Variants in TASP1 observed in about 807,000 individuals in gnomAD.
TASP1 encodes the protein taspase 1, also known as threonine aspartase 1.
TASP1 carries 16 observed loss-of-function variants against 56.6 expected under a neutral mutation model. That is an observed-to-expected ratio of 0.28 (90% CI 0.19 to 0.43). The LOEUF (loss-of-function observed/expected upper bound fraction) is 0.43. Ranked by LOEUF, TASP1 falls within the 20% of genes least tolerant of loss-of-function variation. The probability of loss-of-function intolerance (pLI) is 1.00; values close to 1 mark genes in which losing one functional copy is unlikely to be tolerated. For synonymous variants in TASP1, 179 were observed against 184.2 expected, an observed-to-expected ratio of 0.97 and a Z score of 0.23; for missense variants, 393 against 511.6, an observed-to-expected ratio of 0.77 and a Z score of 2.24.
the TASP1 span, among the ~76,000 whole-genome samples, chr20:13,358,866 G>GC: frequency 7.1e-6 from 1 of 140,348 alleles, no homozygotes; most frequent in Non-Finnish European, 1.6e-5. Flanking sequence ...TGGGGAAGGG[G>GC]CAAGTACCCC....
the TASP1 span, among the ~76,000 whole-genome samples, chr20:13,347,318 G>T: frequency 6.6e-6 from 1 of 152,260 alleles, no homozygotes; most frequent in East Asian, 1.9e-4. Flanking sequence ...AGACAGAATG[G>T]CCTATTGGTC....
At chr20:13,134,642 A>C in the TASP1 span, among the ~76,000 whole-genome samples, 4 of 152,218 alleles carry the variant, frequency 2.6e-5, no homozygotes, top group African/African-American at 7.2e-5. Context: ...ATTCTGGTGC[A>C]GGCTCAAATT....
intron 7 of TASP1, among the ~76,000 whole-genome samples, chr20:13,566,027 T>C (rs2046516149): frequency 6.6e-6 from 1 of 152,184 alleles, no homozygotes; most frequent in Non-Finnish European, 1.5e-5. Context: ...AAAGAAATTC[T>C]GACACATGCT....
At chr20:13,470,205 C>G (rs2044435796) in intron 11 of TASP1, among the ~76,000 whole-genome samples, 1 of 152,042 alleles carries the variant, frequency 6.6e-6, no homozygotes, top group Non-Finnish European at 1.5e-5. Context: ...ATACAAGCTA[C>G]AAGCTTTCTG....
the TASP1 span, among the ~76,000 whole-genome samples, chr20:13,220,818 C>G: frequency 6.6e-6 from 1 of 152,232 alleles, no homozygotes; most frequent in Non-Finnish European, 1.5e-5. Flanking sequence ...GCGCCCCCTC[C>G]GTTTTCCATC....
intron 10 of TASP1, among the ~76,000 whole-genome samples, chr20:13,527,622 A>G (rs899298404): frequency 6.6e-6 from 1 of 152,088 alleles, no homozygotes; most frequent in African/African-American, 2.4e-5. Flanking sequence ...GCACGCACGC[A>G]CACACACATA....
the TASP1 span, among the ~76,000 whole-genome samples, chr20:13,121,065 C>T: frequency 6.6e-6 from 1 of 152,188 alleles, no homozygotes; most frequent in Non-Finnish European, 1.5e-5. Context: ...TATTTTTATT[C>T]TTTCACATTT....
chr20:13,410,101 T>C lies in TASP1; in HGVS notation c.1170+7347A>G, dbSNP rs12481494. Reference sequence around the variant, plus strand: ...AGTTGTCTTTCTGTGCCTGCCTTACTTCACTTAACATAATGACCTCCACTT... The same window carrying C: ...AGTTGTCTTTCTGTGCCTGCCTTACCTCACTTAACATAATGACCTCCACTT... On this transcript the variant is annotated intron_variant, in intron 13 of 13. Transcript: ENST00000337743. 3.2e-3 allele frequency among the ~76,000 whole-genome samples: 484 copies of C among 152,290 alleles called. 1 individual carries two copies. The highest frequency in any genetic ancestry group is 0.01 in the East Asian group (53 of 5,182).
At chr20:13,580,009 C>T (rs560106363) in intron 6 of TASP1, among the ~76,000 whole-genome samples, 1 of 152,322 alleles carries the variant, frequency 6.6e-6, no homozygotes, top group Admixed American at 6.5e-5. Flanking sequence ...GCATGCTGAG[C>T]ATAGACTAAG....
chr20:13,493,009 C>T (rs538905184), intron 10 of TASP1, among the ~76,000 whole-genome samples: 25 of 152,114 alleles, frequency 1.6e-4, no homozygotes, highest in African/African-American at 5.8e-4. Context: ...TCACTACTGC[C>T]AATTTTATTG....
Position 13,628,748 on chromosome 20 carries a change from G to A in TASP1, c.145+1186C>T, listed in dbSNP as rs151316945. Among the ~76,000 whole-genome samples, 321 of 152,272 alleles carry A rather than the reference G, an allele frequency of 2.1e-3. 1 individual carries two copies. Among genetic ancestry groups the A allele is most frequent in the African/African-American group, 7.1e-3 (296 of 41,554 alleles). On this transcript the variant is annotated intron_variant, in intron 2 of 13. Transcript: ENST00000337743. Reference sequence around the variant, plus strand: ...CAGACATTCTTTCTCTCTTCATGGAGGTCATGGAAAGTAGACTCTGAATAC... The same window carrying A: ...CAGACATTCTTTCTCTCTTCATGGAAGTCATGGAAAGTAGACTCTGAATAC...
At chr20:13,506,271 G>A (rs1444248078) in intron 10 of TASP1, among the ~76,000 whole-genome samples, 4 of 152,060 alleles carry the variant, frequency 2.6e-5, no homozygotes, top group African/African-American at 9.7e-5. Flanking sequence ...TCTCATCCAA[G>A]AAAAGCCCAG....
At chr20:13,231,687 G>A in the TASP1 span, among the ~76,000 whole-genome samples, 2 of 152,170 alleles carry the variant, frequency 1.3e-5, no homozygotes, top group South Asian at 4.1e-4. Flanking sequence ...ATCTTGCACA[G>A]AGCACTCTCT....
At chr20:13,286,904 T>G in the TASP1 span, among the ~76,000 whole-genome samples, 3 of 152,192 alleles carry the variant, frequency 2.0e-5, no homozygotes, top group African/African-American at 7.2e-5. Context: ...AGCTCCACGC[T>G]TGGCAGCAGC....
intron 8 of TASP1, among the ~76,000 whole-genome samples, 187 bp from the exon 9 acceptor site, chr20:13,534,328 G>GT (rs33919687): frequency 0.21 from 32,262 of 151,168 alleles, 3,598 homozygotes; most frequent in Middle Eastern, 0.28. Context: ...AAGTCAAAAT[G>GT]TATTTTCCAC....
At chr20:13,616,825 C>G in intron 4 of TASP1, 1 of 301,976 alleles carries the variant, frequency 3.3e-6, no homozygotes, top group South Asian at 2.7e-5. Context: ...CATCAGTACT[C>G]AAAAAAGTGT....
the TASP1 span, among the ~76,000 whole-genome samples, chr20:13,285,240 A>C: frequency 6.6e-6 from 1 of 152,148 alleles, no homozygotes; most frequent in Non-Finnish European, 1.5e-5. Context: ...GCAATGAGCC[A>C]TGATGGTGCC....
chr20:13,249,624 G>A, the TASP1 span, among the ~76,000 whole-genome samples: 1 of 152,196 alleles, frequency 6.6e-6, no homozygotes, highest in Non-Finnish European at 1.5e-5. Flanking sequence ...CATAAAGTTG[G>A]TTTTAATCTC....
intron 12 of TASP1, among the ~76,000 whole-genome samples, chr20:13,423,912 T>C (rs1372642627): frequency 6.6e-6 from 1 of 152,226 alleles, no homozygotes; most frequent in Admixed American, 6.5e-5. Flanking sequence ...TGTATTATCA[T>C]GATGTGAAAC....
Sources: gnomAD v4.1 joint callset for allele counts (sites outside exome capture counted in the v4.1 genomes callset) on GRCh38, gnomAD v4.1.1 for gene constraint, MANE v1.5 for transcripts, NCBI Gene and HGNC (gene_info 2026-07-23, HGNC 2026-07-21) for gene names.